Variants in HIVEP1 observed in about 807,000 individuals in gnomAD.
HIVEP1 encodes HIVEP zinc finger 1.
In HIVEP1, 36 loss-of-function variants were observed where a neutral mutation model predicts 180.0. The observed-to-expected ratio is 0.20, with a 90% CI of 0.15 to 0.26. The LOEUF is 0.26. Among genes scored for constraint, HIVEP1 ranks in the 10% least tolerant of loss-of-function variants. The pLI, the probability that HIVEP1 is intolerant of heterozygous loss-of-function variation, is 1.00. For missense variants in HIVEP1, 3,143 were observed against 3,268.7 expected, an observed-to-expected ratio of 0.96 and a Z score of 0.94; for synonymous variants, 1,239 against 1,239.0, an observed-to-expected ratio of 1.00 and a Z score of 0.00.
At chr6:12,009,973 TCA>T (rs1199702691), upstream of HIVEP1, among the ~76,000 whole-genome samples, 1 of 152,262 alleles carries the variant, frequency 6.6e-6, no homozygotes, top group Non-Finnish European at 1.5e-5. Context: ...CGTTATTCAT[TCA>T]GTTAGCATTT....
chr6:12,122,754 G>C lies in HIVEP1; in HGVS notation c.2959G>C (p.Gly987Arg), dbSNP rs1197572440. The change falls in exon 4 of 9, where the codon GGA becomes CGA. Residue 987 changes from glycine (G) to arginine (R), a missense_variant. This residue lies in a region of HIVEP1 where 204 missense variants were observed against 243.7 expected (regional missense o/e 0.84). Coordinates refer to ENST00000379388, the MANE Select transcript of HIVEP1 (RefSeq NM_002114.4). The part of the protein sequence containing the change: ...HKKFYCSELH[G>R]PKTKVAMREP... ...GAAATTTTACTGTTCTGAGTTACAT[G>C]GACCAAAAACAAAGGTAGCCATGAG... 6.2e-7 allele frequency: 1 copy of C among 1,611,560 alleles called. No individual in the cohort carries two copies.
At chr6:12,110,725 G>A (rs558342661) in intron 3 of HIVEP1, among the ~76,000 whole-genome samples, 2 of 152,256 alleles carry the variant, frequency 1.3e-5, no homozygotes, top group South Asian at 2.1e-4. Flanking sequence ...CTTTTTTGTC[G>A]TTCAGGTGTT....
At chr6:12,116,240 C>G (rs537912655) in intron 3 of HIVEP1, among the ~76,000 whole-genome samples, 40 of 152,152 alleles carry the variant, frequency 2.6e-4, no homozygotes, top group Non-Finnish European at 3.7e-4. Flanking sequence ...GTTTAAAAAA[C>G]TATTCCAGGT....
chr6:12,133,268 G>A (rs1348717594), intron 6 of HIVEP1, among the ~76,000 whole-genome samples: 1 of 152,132 alleles, frequency 6.6e-6, no homozygotes, highest in Non-Finnish European at 1.5e-5. Flanking sequence ...AGGTCAGTCA[G>A]CAGAAAACAT....
At chr6:12,055,466 G>A (rs556908407) in intron 2 of HIVEP1, among the ~76,000 whole-genome samples, 34 of 150,800 alleles carry the variant, frequency 2.3e-4, no homozygotes, top group African/African-American at 8.3e-4. Flanking sequence ...GTGAGACTCC[G>A]TCTCAAAAAA....
intron 4 of HIVEP1, 123 bp from the exon 5 acceptor site, chr6:12,129,636 A>G (rs764206984): frequency 2.1e-5 from 16 of 778,820 alleles, no homozygotes; most frequent in South Asian, 5.8e-5. Flanking sequence ...ACCTATTACT[A>G]CTTTGAAATG....
chr6:12,114,347 G>A (rs1775090852), intron 3 of HIVEP1, among the ~76,000 whole-genome samples: 1 of 152,012 alleles, frequency 6.6e-6, no homozygotes, highest in African/African-American at 2.4e-5. Context: ...AACACTATTG[G>A]CCACATCTTC....
At chr6:12,167,867 T>A (rs1034197942), downstream of HIVEP1, among the ~76,000 whole-genome samples, 13 of 144,350 alleles carry the variant, frequency 9.0e-5, no homozygotes, top group Non-Finnish European at 1.1e-4. Flanking sequence ...GTATATAATA[T>A]ATACACATGT....
rs182992213 is a variant in HIVEP1, at chr6:12,135,942, T to A, written c.6487+50T>A. 1.1e-3 allele frequency: 1,459 copies of A among 1,288,352 alleles called. 10 individuals carry two copies. In the Middle Eastern group the frequency reaches 0.017, roughly 15 times the overall value. The allele number at this position is 1,288,352 out of a possible 1,614,324, so 79.8% of individuals were successfully genotyped here. On this transcript the variant is annotated intron_variant, in intron 7 of 8. Coordinates refer to ENST00000379388, the MANE Select transcript of HIVEP1 (RefSeq NM_002114.4). ...ATAAATGCTATTTATAATGTACAATTTTTTTGCTTCCATACCCTTTCCATT... is the reference window on the plus strand; with the variant it reads ...ATAAATGCTATTTATAATGTACAATATTTTTGCTTCCATACCCTTTCCATT...
intron 7 of HIVEP1, among the ~76,000 whole-genome samples, chr6:12,151,863 A>G (rs1759723451): frequency 6.6e-6 from 1 of 152,204 alleles, no homozygotes; most frequent in Non-Finnish European, 1.5e-5. Flanking sequence ...TGGTGACCAT[A>G]GTTTGCCAAT....
chr6:12,119,729 C>T (rs1355470958), intron 3 of HIVEP1, among the ~76,000 whole-genome samples, 161 bp from the exon 4 acceptor site: 2 of 152,110 alleles, frequency 1.3e-5, no homozygotes, highest in African/African-American at 4.8e-5. Context: ...GTTCAATTTC[C>T]GGAATGCAGA....
At chr6:12,027,941 G>A (rs902842448) in intron 2 of HIVEP1, among the ~76,000 whole-genome samples, 2 of 152,106 alleles carry the variant, frequency 1.3e-5, no homozygotes, top group Non-Finnish European at 2.9e-5. Context: ...TGATATTTTC[G>A]TGTTATGGTT....
At chr6:12,171,897 T>C in the HIVEP1 span, among the ~76,000 whole-genome samples, 1 of 152,186 alleles carries the variant, frequency 6.6e-6, no homozygotes, top group Non-Finnish European at 1.5e-5. Context: ...TGTATTGGGA[T>C]CAGCCGGGGA....
At chr6:12,034,107 A>C (rs1769127075) in intron 2 of HIVEP1, among the ~76,000 whole-genome samples, 1 of 152,268 alleles carries the variant, frequency 6.6e-6, no homozygotes, top group Non-Finnish European at 1.5e-5. Context: ...ATGATAGAGC[A>C]GAATTGCTGT....
At chr6:12,178,167 TA>T in the HIVEP1 span, among the ~76,000 whole-genome samples, 1 of 152,220 alleles carries the variant, frequency 6.6e-6, no homozygotes, top group Admixed American at 6.5e-5. Context: ...CTGTTTAAAA[TA>T]AAAACTAAAT....
chr6:12,195,546 A>G, the HIVEP1 span, among the ~76,000 whole-genome samples: 1 of 152,234 alleles, frequency 6.6e-6, no homozygotes, highest in East Asian at 1.9e-4. Context: ...AACCCACACA[A>G]TAACACAATT....
At chr6:12,108,553 C>T (rs1236279886) in intron 3 of HIVEP1, among the ~76,000 whole-genome samples, 1 of 152,238 alleles carries the variant, frequency 6.6e-6, no homozygotes, top group Non-Finnish European at 1.5e-5. Flanking sequence ...CAGCTAATGC[C>T]CGGCGAGAAA....
intron 2 of HIVEP1, among the ~76,000 whole-genome samples, chr6:12,081,019 A>G (rs750306205): frequency 2.8e-4 from 43 of 152,048 alleles, no homozygotes; most frequent in Non-Finnish European, 4.7e-4. Flanking sequence ...CTATTCAGCC[A>G]TCTGCTCTTG....
intron 2 of HIVEP1, among the ~76,000 whole-genome samples, chr6:12,024,565 T>G (rs561335078): frequency 6.6e-6 from 1 of 152,362 alleles, no homozygotes; most frequent in Admixed American, 6.5e-5. Context: ...CCAAGCATAC[T>G]TGTTATTTTG....
Sources: gnomAD v4.1 joint callset for allele counts (sites outside exome capture counted in the v4.1 genomes callset) on GRCh38, gnomAD v4.1.1 for gene constraint, gnomAD v4.1.1 regional missense constraint, MANE v1.5 for transcripts, NCBI Gene and HGNC (gene_info 2026-07-23, HGNC 2026-07-21) for gene names.